CAPZB: variants seen among roughly 807,000 people sequenced by gnomAD.
CAPZB encodes F-actin-capping protein subunit beta.
CAPZB carries 2 observed loss-of-function variants against 38.1 expected under a neutral mutation model. The ratio of observed to expected loss-of-function variants is 0.05; its 90% CI spans 0.02 to 0.17. The LOEUF is 0.17. Ranked by LOEUF, CAPZB falls within the 10% of genes least tolerant of loss-of-function variation. The pLI is 1.00. For synonymous variants in CAPZB, 107 were observed against 127.4 expected, an observed-to-expected ratio of 0.84 and a Z score of 1.08; for missense variants, 161 against 334.2, an observed-to-expected ratio of 0.48 and a Z score of 4.04.
intron 2 of CAPZB, among the ~76,000 whole-genome samples, chr1:19,418,068 G>A (rs1208211992): frequency 6.8e-6 from 1 of 146,004 alleles, no homozygotes; most frequent in Non-Finnish European, 1.5e-5. Context: ...CCGGGGAGGC[G>A]GAGATTGCAG....
Position 19,357,108 on chromosome 1 carries a change from G to T in CAPZB, c.471+314C>A, listed in dbSNP as rs1246196453. Among the ~76,000 whole-genome samples, 2 of 152,188 alleles carry T rather than the reference G, an allele frequency of 1.3e-5. No individual in the cohort carries two copies. The highest frequency in any genetic ancestry group is 4.8e-5 in the African/African-American group (2 of 41,518). On this transcript the variant is annotated intron_variant, in intron 5 of 8. Coordinates refer to ENST00000264202, the MANE Select transcript of CAPZB (RefSeq NM_004930.5). The surrounding 1 kb of genome is among the most constrained non-coding windows in gnomAD (Gnocchi z 4.3). ...TTGAACTCCTGACCTCCGGTGATCT[G>T]CCCACCTCAGCCTCCCAAACTGCTG... is the stretch of plus-strand genomic sequence containing the variant.
intron 1 of CAPZB, among the ~76,000 whole-genome samples, chr1:19,432,062 A>AG (rs1441736273): frequency 6.7e-6 from 1 of 149,582 alleles, no homozygotes; most frequent in African/African-American, 2.4e-5. Context: ...AAAAAAAAAA[A>AG]AAAGAAAAAA....
At chr1:19,366,941 G>C (rs72651477) in intron 4 of CAPZB, among the ~76,000 whole-genome samples, 28,883 of 152,146 alleles carry the variant, frequency 0.19, 3,256 homozygotes, top group South Asian at 0.3. Flanking sequence ...TCACAGGTGG[G>C]AACAATCCAA....
intron 8 of CAPZB, among the ~76,000 whole-genome samples, 170 bp from the exon 9 acceptor site, chr1:19,339,787 G>A (rs79559140): frequency 0.01 from 1,573 of 152,052 alleles, 27 homozygotes; most frequent in African/African-American, 0.036. Context: ...AAGGGGCAAA[G>A]GGGTACATGG....
chr1:19,480,943 G>A (rs2094626246), intron 1 of CAPZB, among the ~76,000 whole-genome samples: 1 of 152,154 alleles, frequency 6.6e-6, no homozygotes, highest in Non-Finnish European at 1.5e-5. Context: ...ACACCCCTTT[G>A]CACACTTTTG....
intron 4 of CAPZB, among the ~76,000 whole-genome samples, chr1:19,359,033 C>T (rs565024378): frequency 6.6e-6 from 1 of 152,150 alleles, no homozygotes; most frequent in Non-Finnish European, 1.5e-5. Context: ...CTACTTTCTA[C>T]GGCTGTTGAG....
At chr1:19,348,240 G>A (rs2093972801) in intron 6 of CAPZB, among the ~76,000 whole-genome samples, 1 of 151,972 alleles carries the variant, frequency 6.6e-6, no homozygotes, top group East Asian at 1.9e-4. Flanking sequence ...ACATCTGCAG[G>A]GCTGGATTCA....
At chr1:19,387,365 C>T (rs2094209686) in intron 2 of CAPZB, among the ~76,000 whole-genome samples, 1 of 152,240 alleles carries the variant, frequency 6.6e-6, no homozygotes, top group South Asian at 2.1e-4. Flanking sequence ...CCCTGCTTAG[C>T]TGTGGCCACA....
intron 4 of CAPZB, chr1:19,374,499 C>T (rs749752517): frequency 6.6e-6 from 1 of 152,394 alleles, no homozygotes; most frequent in African/African-American, 2.4e-5. Context: ...GTCTGCTCTT[C>T]CAACCCCCAA....
chr1:19,382,735 G>C (rs896234626), intron 3 of CAPZB, among the ~76,000 whole-genome samples: 4 of 152,150 alleles, frequency 2.6e-5, no homozygotes, highest in African/African-American at 9.7e-5. Flanking sequence ...ACCTAGACAT[G>C]ATCCCGTCCT....
intron 1 of CAPZB, chr1:19,484,153 G>C: frequency 6.3e-7 from 1 of 1,596,130 alleles, no homozygotes; most frequent in Non-Finnish European, 8.5e-7. Context: ...CAAACACCAC[G>C]AGCGGAGCCA....
At chr1:19,448,117 C>T (rs2094502593) in intron 1 of CAPZB, among the ~76,000 whole-genome samples, 1 of 152,210 alleles carries the variant, frequency 6.6e-6, no homozygotes, top group East Asian at 1.9e-4. Flanking sequence ...GCCAGTCAAC[C>T]TATCAGCCAA....
chr1:19,455,695 A>G (rs1162611693), intron 1 of CAPZB, among the ~76,000 whole-genome samples: 3 of 152,136 alleles, frequency 2.0e-5, no homozygotes, highest in African/African-American at 7.2e-5. Context: ...CTACAAAGAG[A>G]TGAGATTGGC....
Position 19,378,584 on chromosome 1 carries a change from C to T in CAPZB, c.285G>A (p.Lys95=), listed in dbSNP as rs1278769361. The T allele has an allele frequency of 1.9e-6, 3 of 1,613,576 alleles. No individual in the cohort carries two copies. The African/African-American group carries it at 4.0e-5, about 22-fold the overall frequency. ...AGGCATTGTTGGCTTCCACCTCCAG[C>T]TTTCTCAGCCGAGCTGACGGCATGG... The part of the protein sequence containing the change: ...DGAMPSARLR[K]LEVEANNAFD... The change falls in exon 4 of 9, where the codon AAG becomes AAA. Residue 95 remains lysine (K), a synonymous_variant. Coordinates refer to ENST00000264202, the MANE Select transcript of CAPZB (RefSeq NM_004930.5).
At chr1:19,343,018 C>T (rs1169014513) in intron 8 of CAPZB, among the ~76,000 whole-genome samples, 4 of 152,090 alleles carry the variant, frequency 2.6e-5, no homozygotes, top group Non-Finnish European at 5.9e-5. Flanking sequence ...GTGGTATCGC[C>T]GCTGCAGAGG....
rs566482036 is a variant in CAPZB, at chr1:19,443,705, T to C, written c.4-23955A>G. ...GTGCCAGGCACTGTGTCAGGTACTT[T>C]ACAAACAAGGAAAGCAAGGCACAGA... On this transcript the variant is annotated intron_variant, in intron 1 of 8. Transcript: ENST00000264202. Among the ~76,000 whole-genome samples the C allele has an allele frequency of 7.9e-5, 12 of 152,298 alleles. 1 individual carries two copies. In the East Asian group the frequency reaches 2.3e-3, roughly 29 times the overall value.
At chr1:19,467,114 C>G (rs1204198376) in intron 1 of CAPZB, among the ~76,000 whole-genome samples, 1 of 152,050 alleles carries the variant, frequency 6.6e-6, no homozygotes, top group Admixed American at 6.6e-5. Context: ...GTTGCCTAGG[C>G]TGGTCCCAAG....
In CAPZB at chr1:19,471,865, C is replaced by CAAA. The variant is rs59289947; in HGVS notation, c.3+13568_3+13570dup. Among the ~76,000 whole-genome samples the CAAA allele has an allele frequency of 1.2e-4, 16 of 134,474 alleles. 1 individual carries two copies. Among genetic ancestry groups the CAAA allele is most frequent in the African/African-American group, 4.4e-4 (15 of 33,782 alleles). 88.2% of individuals were successfully genotyped at this position (134,474 alleles called of 152,430 possible). On this transcript the variant is annotated intron_variant, in intron 1 of 8. Coordinates refer to ENST00000264202, the MANE Select transcript of CAPZB (RefSeq NM_004930.5). The stretch of plus-strand genomic sequence containing the variant: ...TGGGAGACAAAGCGAGACTCCGTCT[C>CAAA]AAAAAAAAAAAAAAAAAAAAAAAAA...
chr1:19,445,577 C>T (rs2094493273), intron 1 of CAPZB, among the ~76,000 whole-genome samples: 1 of 152,170 alleles, frequency 6.6e-6, no homozygotes, highest in Non-Finnish European at 1.5e-5. Flanking sequence ...GGTTCCCATT[C>T]TTCCAGATGT....
Sources: allele counts gnomAD v4.1 joint callset (sites outside exome capture counted in the v4.1 genomes callset), GRCh38; gene constraint gnomAD v4.1.1; non-coding constraint Gnocchi (gnomAD v3.1); transcripts MANE v1.5; gene names NCBI Gene and HGNC (gene_info 2026-07-23, HGNC 2026-07-21).